Variants in KCNQ3 observed in about 807,000 individuals in gnomAD.
The protein encoded by KCNQ3 is potassium voltage-gated channel subfamily Q member 3, also known as potassium voltage-gated channel subfamily KQT member 3.
KCNQ3 carries 30 observed loss-of-function variants against 92.5 expected under a neutral mutation model. That is an observed-to-expected ratio of 0.32 (90% CI 0.24 to 0.44). The LOEUF (loss-of-function observed/expected upper bound fraction) is 0.44, where lower values mean the gene tolerates loss of function less well. Among genes scored for constraint, KCNQ3 ranks in the 20% least tolerant of loss-of-function variants. The pLI is 1.00. For synonymous variants in KCNQ3, 450 were observed against 468.8 expected (o/e 0.96, Z 0.52); for missense variants, 913 against 1,140.3 (o/e 0.80, Z 2.87).
chr8:132,364,753 T>C (rs1819271829), intron 1 of KCNQ3, among the ~76,000 whole-genome samples: 1 of 152,082 alleles, frequency 6.6e-6, no homozygotes, highest in Non-Finnish European at 1.5e-5. Context: ...GTTGGATGGA[T>C]GGATGGGTGG....
At chr8:132,420,003 C>T (rs1340842961) in intron 1 of KCNQ3, among the ~76,000 whole-genome samples, 1 of 152,172 alleles carries the variant, frequency 6.6e-6, no homozygotes, top group Non-Finnish European at 1.5e-5. Context: ...TTATAAACAA[C>T]AGAAATTTAT....
At chr8:132,469,126 C>T (rs1413866218) in intron 1 of KCNQ3, among the ~76,000 whole-genome samples, 1 of 152,184 alleles carries the variant, frequency 6.6e-6, no homozygotes, top group Non-Finnish European at 1.5e-5. Flanking sequence ...CTTCGTCTTT[C>T]CAAAGGGTGA....
At chr8:132,287,370 C>G (rs1816706535) in intron 1 of KCNQ3, among the ~76,000 whole-genome samples, 1 of 152,150 alleles carries the variant, frequency 6.6e-6, no homozygotes, top group South Asian at 2.1e-4. Context: ...TAAAGACATT[C>G]AAGTTGAATT....
At chr8:132,343,561 C>G (rs772797551) in intron 1 of KCNQ3, among the ~76,000 whole-genome samples, 13 of 152,160 alleles carry the variant, frequency 8.5e-5, no homozygotes, top group Non-Finnish European at 1.9e-4. Context: ...AAGGCTCTAG[C>G]TGTCTCATCA....
At chr8:132,466,848 T>A (rs1282445184) in intron 1 of KCNQ3, among the ~76,000 whole-genome samples, 5 of 152,154 alleles carry the variant, frequency 3.3e-5, no homozygotes, top group African/African-American at 1.2e-4. Context: ...CTATTAACAT[T>A]TCATGGGTGA....
At chr8:132,288,254 G>GC (rs1204966131) in intron 1 of KCNQ3, among the ~76,000 whole-genome samples, 4 of 152,050 alleles carry the variant, frequency 2.6e-5, no homozygotes, top group Non-Finnish European at 4.4e-5. Context: ...GATTAATTTA[G>GC]CCCCCCACAA....
At chr8:132,201,911 TC>T (rs369122620) in intron 1 of KCNQ3, among the ~76,000 whole-genome samples, 636 of 152,316 alleles carry the variant, frequency 4.2e-3, no homozygotes, top group Non-Finnish European at 7.2e-3. Context: ...ATATGCAATA[TC>T]CTTTGAAATC....
At chr8:132,259,018 T>C (rs1324871057) in intron 1 of KCNQ3, among the ~76,000 whole-genome samples, 2 of 152,010 alleles carry the variant, frequency 1.3e-5, no homozygotes, top group Non-Finnish European at 2.9e-5. Flanking sequence ...CAATAAACCA[T>C]CCTTGCCCCA....
In KCNQ3 at chr8:132,121,014, C is replaced by G. The variant is rs944627224; in HGVS notation, c.*8248G>C. 6.6e-6 allele frequency: 1 copy of G among 152,002 alleles called. No homozygotes were observed. Among genetic ancestry groups the G allele is most frequent in the African/African-American group, 2.4e-5 (1 of 41,386 alleles). 9.4% of individuals were successfully genotyped at this position (152,002 alleles called of 1,614,324 possible). ...AGAGCCAGAATATAAATTACACATA[C>G]AGTTTAAAAATTACAGGAAATCATA... On this transcript the variant is annotated 3_prime_UTR_variant, in exon 15 of 15. Transcript: ENST00000388996.
chr8:132,383,079 C>A, intron 1 of KCNQ3, among the ~76,000 whole-genome samples: 1 of 152,142 alleles, frequency 6.6e-6, no homozygotes, highest in East Asian at 1.9e-4. Flanking sequence ...AAACTCCAAC[C>A]CCTTGTCTTC....
At chr8:132,446,245 C>T (rs1587028436) in intron 1 of KCNQ3, among the ~76,000 whole-genome samples, 1 of 152,324 alleles carries the variant, frequency 6.6e-6, no homozygotes, top group East Asian at 1.9e-4. Flanking sequence ...ACTCTAAAGA[C>T]AATGCCTTCG....
At chr8:132,315,106 G>C (rs1180009982) in intron 1 of KCNQ3, among the ~76,000 whole-genome samples, 2 of 152,146 alleles carry the variant, frequency 1.3e-5, no homozygotes, top group African/African-American at 2.4e-5. Flanking sequence ...TAGTGTTTTA[G>C]GAAGATCACT....
chr8:132,247,135 T>G (rs1563823393), intron 1 of KCNQ3, among the ~76,000 whole-genome samples: 3 of 152,202 alleles, frequency 2.0e-5, no homozygotes, highest in Non-Finnish European at 1.5e-5. Context: ...TATTGCCTTG[T>G]TGTCATCTAT....
At chr8:132,182,880 T>TTG (rs1563792594) in intron 3 of KCNQ3, among the ~76,000 whole-genome samples, 3 of 129,902 alleles carry the variant, frequency 2.3e-5, no homozygotes, top group Admixed American at 7.3e-5. Context: ...TCCTCCAATA[T>TTG]CGCACACACA....
intron 1 of KCNQ3, among the ~76,000 whole-genome samples, chr8:132,225,151 C>T (rs1814370381): frequency 6.6e-6 from 1 of 152,158 alleles, no homozygotes; most frequent in African/African-American, 2.4e-5. Context: ...ACTCTGTTGG[C>T]AGAATAACAG....
intron 1 of KCNQ3, among the ~76,000 whole-genome samples, chr8:132,346,751 A>T (rs188403654): frequency 6.6e-6 from 1 of 152,260 alleles, no homozygotes; most frequent in African/African-American, 2.4e-5. Flanking sequence ...GACTTGTTTA[A>T]CCTGCAGGAC....
In KCNQ3 at chr8:132,154,193, G is replaced by GTTTTTTTTTTTTTT. The variant is rs869112851; in HGVS notation, c.1262+9261_1262+9274dup. ...CTGATGTACCATCAAAAGGGTAAAA[G>GTTTTTTTTTTTTTT]TTTTTTTTTTTTTTTTTTTTTTTTT... On this transcript the variant is annotated intron_variant, in intron 9 of 14. Coordinates refer to ENST00000388996, the MANE Select transcript of KCNQ3 (RefSeq NM_004519.4). 8.9e-3 allele frequency among the ~76,000 whole-genome samples: 245 copies of GTTTTTTTTTTTTTT among 27,446 alleles called. 38 individuals are homozygous for GTTTTTTTTTTTTTT. The highest frequency in any genetic ancestry group is 0.012 in the Admixed American group (26 of 2,242). 18.0% of individuals were successfully genotyped at this position (27,446 alleles called of 152,430 possible). A position where few individuals can be genotyped will look rare whatever the true frequency, so the allele number is the denominator to read the frequency against.
intron 1 of KCNQ3, among the ~76,000 whole-genome samples, chr8:132,363,751 C>G (rs184896506): frequency 1.7e-3 from 259 of 151,744 alleles, no homozygotes; most frequent in Middle Eastern, 0.01. Flanking sequence ...TTTTATGAAC[C>G]AAGTTCCATT....
At chr8:132,375,634 G>A (rs956913611) in intron 1 of KCNQ3, among the ~76,000 whole-genome samples, 3 of 152,184 alleles carry the variant, frequency 2.0e-5, no homozygotes, top group African/African-American at 7.2e-5. Context: ...TCTGTTCCCT[G>A]CTGATCTGTT....
Sources: gnomAD v4.1 joint callset for allele counts (sites outside exome capture counted in the v4.1 genomes callset) on GRCh38, gnomAD v4.1.1 for gene constraint, MANE v1.5 for transcripts, NCBI Gene and HGNC (gene_info 2026-07-23, HGNC 2026-07-21) for gene names.